The following SPOCK3 variants were observed in gnomAD, a reference collection of about 807,000 sequenced individuals.
The protein encoded by SPOCK3 is testican-3.
Under a neutral mutation model 56.6 loss-of-function variants are expected in SPOCK3, and 30 were observed. The ratio of observed to expected loss-of-function variants is 0.53; its 90% CI spans 0.40 to 0.72. The LOEUF (loss-of-function observed/expected upper bound fraction) is 0.72. Among genes scored for constraint, SPOCK3 ranks in the 30% least tolerant of loss-of-function variants. The pLI, the probability that SPOCK3 is intolerant of heterozygous loss-of-function variation, is 0.00. For synonymous variants in SPOCK3, 196 were observed against 183.3 expected, an observed-to-expected ratio of 1.07 and a Z score of -0.56; for missense variants, 527 against 530.0, an observed-to-expected ratio of 0.99 and a Z score of 0.06.
intron 3 of SPOCK3, among the ~76,000 whole-genome samples, chr4:167,012,659 G>A (rs1750200462): frequency 6.6e-6 from 1 of 151,864 alleles, no homozygotes; most frequent in Admixed American, 6.6e-5. Flanking sequence ...ACGAAATAAT[G>A]CAATCAGTAC....
chr4:166,950,162 C>G (rs1206880188), intron 4 of SPOCK3, among the ~76,000 whole-genome samples: 1 of 151,574 alleles, frequency 6.6e-6, no homozygotes, highest in Non-Finnish European at 1.5e-5. Context: ...AGAGTCAAGA[C>G]CCATCAGTGT....
chr4:166,868,313 A>C (rs1045755018), intron 6 of SPOCK3, among the ~76,000 whole-genome samples: 4 of 144,414 alleles, frequency 2.8e-5, no homozygotes, highest in Non-Finnish European at 6.2e-5. Flanking sequence ...AAAAAAAAAA[A>C]CCTAGGCATG....
At chr4:166,887,890 A>C (rs1734371888) in intron 6 of SPOCK3, among the ~76,000 whole-genome samples, 1 of 151,196 alleles carries the variant, frequency 6.6e-6, no homozygotes, top group African/African-American at 2.4e-5. Context: ...AGAGCTCCTG[A>C]AAGGCAGCGT....
intron 4 of SPOCK3, among the ~76,000 whole-genome samples, chr4:166,999,131 A>C (rs904962080): frequency 9.2e-5 from 14 of 152,264 alleles, no homozygotes; most frequent in African/African-American, 2.6e-4. Context: ...TTTGTTCTTT[A>C]TATCACCAAA....
intron 2 of SPOCK3, among the ~76,000 whole-genome samples, chr4:167,105,555 C>A (rs1374197260): frequency 7.3e-6 from 1 of 136,368 alleles, no homozygotes; most frequent in Non-Finnish European, 1.6e-5. Flanking sequence ...AGAGAGACCA[C>A]AAAGCAACCA....
intron 2 of SPOCK3, among the ~76,000 whole-genome samples, chr4:167,127,169 A>G (rs1479131618): frequency 1.3e-5 from 2 of 152,178 alleles, no homozygotes; most frequent in Admixed American, 6.5e-5. Context: ...TTTATGAACA[A>G]TAGTAGTAAG....
At chr4:166,749,683 C>A (rs992682566) in intron 8 of SPOCK3, among the ~76,000 whole-genome samples, 4 of 151,626 alleles carry the variant, frequency 2.6e-5, no homozygotes, top group African/African-American at 9.7e-5. Context: ...GTAAAGAAAA[C>A]CTGTTTTAAA....
intron 6 of SPOCK3, among the ~76,000 whole-genome samples, chr4:166,806,403 A>C (rs867915306): frequency 6.6e-5 from 10 of 151,982 alleles, no homozygotes; most frequent in Non-Finnish European, 1.2e-4. Context: ...GAGATTGTTT[A>C]TTTCTTTCTC....
chr4:167,037,899 G>A (rs909893611), intron 3 of SPOCK3, among the ~76,000 whole-genome samples: 12 of 152,266 alleles, frequency 7.9e-5, no homozygotes, highest in South Asian at 4.2e-4. Context: ...ACTTTTTGTT[G>A]TTGTTGTTGT....
intron 5 of SPOCK3, among the ~76,000 whole-genome samples, chr4:166,896,288 G>T (rs1735372895): frequency 6.6e-6 from 1 of 152,086 alleles, no homozygotes. Context: ...AGAAGAGACA[G>T]AGCAAGATCG....
chr4:167,073,851 T>C (rs185961053), intron 2 of SPOCK3, among the ~76,000 whole-genome samples: 1,646 of 152,058 alleles, frequency 0.011, 15 homozygotes, highest in Middle Eastern at 0.034. Flanking sequence ...GATTCATTCT[T>C]ATCTAAAAGA....
At chr4:166,887,799 A>C (rs1734355496) in intron 6 of SPOCK3, among the ~76,000 whole-genome samples, 1 of 151,630 alleles carries the variant, frequency 6.6e-6, no homozygotes, top group South Asian at 2.1e-4. Flanking sequence ...AGGATCTTAC[A>C]AATCACCACT....
intron 2 of SPOCK3, among the ~76,000 whole-genome samples, chr4:167,222,470 TTATA>T (rs1261031527): frequency 7.2e-6 from 1 of 138,484 alleles, no homozygotes; most frequent in Non-Finnish European, 1.6e-5. Context: ...TTATATAGAT[TTATA>T]TATAAACATA....
chr4:166,983,794 T>A (rs1232255085), intron 4 of SPOCK3, among the ~76,000 whole-genome samples: 1 of 152,054 alleles, frequency 6.6e-6, no homozygotes, highest in Non-Finnish European at 1.5e-5. Context: ...TATCTCTCGA[T>A]TGAATTAATG....
At chr4:167,140,836 T>A (rs1259640085) in intron 2 of SPOCK3, among the ~76,000 whole-genome samples, 2 of 152,030 alleles carry the variant, frequency 1.3e-5, no homozygotes, top group Non-Finnish European at 2.9e-5. Context: ...GTTGCCTCCA[T>A]CCCCTATCGT....
chr4:166,868,256 T>C (rs918047513), intron 6 of SPOCK3, among the ~76,000 whole-genome samples: 7 of 149,000 alleles, frequency 4.7e-5, no homozygotes, highest in Non-Finnish European at 1.0e-4. Context: ...AACCAGCCTG[T>C]GCAACATAGC....
chr4:167,154,633 C>T (rs1240454128), intron 2 of SPOCK3, among the ~76,000 whole-genome samples: 1 of 152,150 alleles, frequency 6.6e-6, no homozygotes, highest in Non-Finnish European at 1.5e-5. Context: ...CTCCCATAAC[C>T]TGTTGAGAAA....
In SPOCK3 at chr4:167,205,215, T is replaced by TTA. The variant is rs531573189; in HGVS notation, c.189+28768_189+28769dup. Among the ~76,000 whole-genome samples, 615 of 85,090 alleles carry TTA rather than the reference T, an allele frequency of 7.2e-3. 24 individuals carry two copies. Among genetic ancestry groups the TTA allele is most frequent in the African/African-American group, 0.028 (572 of 20,140 alleles). The allele number at this position is 85,090 out of a possible 152,430, so 55.8% of individuals were successfully genotyped here. On this transcript the variant is annotated intron_variant, in intron 2 of 10. Transcript: ENST00000357545. Reference sequence around the variant, plus strand: ...TTATATCTATAATATATATTATATATTATATATTTTATATCTATAATACAT... The same window carrying TTA: ...TTATATCTATAATATATATTATATATTATATATATTTTATATCTATAATACAT...
rs544038485 is a variant in SPOCK3, at chr4:166,839,972, A to T, written c.590-47683T>A. ...AGGGTGTATTACTGTGCTTCAATAA[A>T]CTTTGCTTTGAGCTTGCGTTTTAGT... is the stretch of plus-strand genomic sequence containing the variant. On this transcript the variant is annotated intron_variant, in intron 6 of 10. Transcript: ENST00000357545. Among the ~76,000 whole-genome samples the T allele has an allele frequency of 3.3e-5, 5 of 152,222 alleles. 1 individual carries two copies. The South Asian group carries it at 1.0e-3, about 32-fold the overall frequency.
Sources: gnomAD v4.1 joint callset for allele counts (sites outside exome capture counted in the v4.1 genomes callset) on GRCh38, gnomAD v4.1.1 for gene constraint, MANE v1.5 for transcripts, NCBI Gene and HGNC (gene_info 2026-07-23, HGNC 2026-07-21) for gene names.